The following RASA3 variants were observed in gnomAD, a reference collection of about 807,000 sequenced individuals.
RASA3 encodes ras GTPase-activating protein 3.
In RASA3, 73 loss-of-function variants were observed where a neutral mutation model predicts 110.0. That is an observed-to-expected ratio of 0.66 (90% CI 0.55 to 0.81). RASA3 has a LOEUF of 0.81. RASA3 is among the 30% of genes least tolerant of loss of function. The pLI is 0.00. For missense variants in RASA3, 976 were observed against 1,113.2 expected (o/e 0.88, Z 1.75); for synonymous variants, 500 against 451.4 (o/e 1.11, Z -1.37).
intron 4 of RASA3, among the ~76,000 whole-genome samples, chr13:114,032,603 C>T (rs551452050): frequency 5.9e-4 from 90 of 152,160 alleles, no homozygotes; most frequent in African/African-American, 1.4e-3. Context: ...CACTTGACAC[C>T]GCGTCGGTGC....
Position 114,029,825 on chromosome 13 carries a change from G to C in RASA3, c.435C>G (p.His145Gln), listed in dbSNP as rs979822644. The C allele has an allele frequency of 1.8e-5, 28 of 1,591,486 alleles. No homozygotes were observed. Among genetic ancestry groups the C allele is most frequent in the African/African-American group, 4.0e-5 (3 of 74,340 alleles). ...ACGTGTCTTACCGTGTGGCGAGCTT[G>C]TGGCAGACGACCCCAGTGTCTGTGA... Reference protein sequence around the residue: ...EVITDTGVVCHKLATRIVECQ... With the variant: ...EVITDTGVVCQKLATRIVECQ... The change falls in exon 5 of 24, where the codon CAC becomes CAG. Residue 145 changes from histidine (H) to glutamine (Q), a missense_variant. His to Gln is a conservative substitution (Grantham distance 24, BLOSUM62 0). This residue lies in a region of RASA3 where 732 missense variants were observed against 779.7 expected (regional missense o/e 0.94). Transcript: ENST00000334062.
At chr13:113,997,868 C>A (rs1174037707) in intron 20 of RASA3, among the ~76,000 whole-genome samples, 1 of 152,100 alleles carries the variant, frequency 6.6e-6, no homozygotes, top group Non-Finnish European at 1.5e-5. Flanking sequence ...TTTACAGAGG[C>A]CAGGAGCCTC....
intron 1 of RASA3, among the ~76,000 whole-genome samples, chr13:114,102,607 C>G (rs1256152212): frequency 2.0e-5 from 3 of 152,204 alleles, no homozygotes; most frequent in Non-Finnish European, 4.4e-5. Context: ...GGAGAAGATG[C>G]TGAGGCCCAG....
intron 2 of RASA3, among the ~76,000 whole-genome samples, chr13:114,069,078 G>A (rs911938929): frequency 2.6e-5 from 4 of 152,224 alleles, no homozygotes; most frequent in South Asian, 2.1e-4. Context: ...GGGAGGAGGC[G>A]TGGGGGACAC....
intron 2 of RASA3, among the ~76,000 whole-genome samples, chr13:114,061,055 CAG>C (rs1427839937): frequency 2.0e-5 from 3 of 150,992 alleles, no homozygotes; most frequent in Non-Finnish European, 4.4e-5. Flanking sequence ...GCACTGCACA[CAG>C]AGACATTTCT....
chr13:113,996,604 C>T lies in RASA3; in HGVS notation c.2068G>A (p.Ala690Thr). ...CACAGCCAGTGGCCGCTCAGGTAGG[C>T]GGACGGGTGGTAGACGGTGAGGCGC... Reference protein sequence around the residue: ...QKRLTVYHPSAYLSGHWLCCR... With the variant: ...QKRLTVYHPSTYLSGHWLCCR... The change falls in exon 21 of 24, where the codon GCC (alanine) becomes ACC (threonine). Residue 690 changes from alanine (A) to threonine (T), a missense_variant. Transcript: ENST00000334062. 4 of 1,613,620 alleles carry T rather than the reference C, an allele frequency of 2.5e-6. No individual in the cohort carries two copies. The highest frequency in any genetic ancestry group is 3.4e-6 in the Non-Finnish European group (4 of 1,180,036).
At chr13:114,068,741 A>C (rs2079500660) in intron 2 of RASA3, among the ~76,000 whole-genome samples, 1 of 152,226 alleles carries the variant, frequency 6.6e-6, no homozygotes, top group South Asian at 2.1e-4. Flanking sequence ...ATTAAAAATG[A>C]TTGCTCTAAA....
At chr13:114,117,550 AGCACGTGTGTGAGGGGT>A (rs2080304179) in intron 1 of RASA3, among the ~76,000 whole-genome samples, 1 of 104,416 alleles carries the variant, frequency 9.6e-6, no homozygotes, top group African/African-American at 3.8e-5. Flanking sequence ...GTGTGAGGGG[AGCACGTGTGTGAGGGGT>A]GCATGCAATG....
At position 114,110,524 on chromosome 13, in the gene RASA3, G is replaced by A. The variant is rs528599067; in HGVS notation, c.55+21911C>T. ...TGGCCCTACACAGGACAGGTTCTGC[G>A]CACTCGGCCGCCACCTTCCTTACAC... On this transcript the variant is annotated intron_variant, in intron 1 of 23. Transcript: ENST00000334062. 1.1e-3 allele frequency among the ~76,000 whole-genome samples: 173 copies of A among 152,294 alleles called. 1 individual carries two copies. The highest frequency in any genetic ancestry group is 1.2e-3 in the Non-Finnish European group (82 of 68,018).
chr13:114,013,383 C>CTCTCTCTCTCTG (rs1555328552), intron 14 of RASA3, 135 bp from the exon 15 acceptor site: 2 of 554,090 alleles, frequency 3.6e-6, no homozygotes, highest in East Asian at 3.2e-5. Context: ...GTGTCTGTCT[C>CTCTCTCTCTCTG]TCTCCCTCTC....
chr13:114,018,611 G>A, intron 10 of RASA3, 152 bp downstream of exon 10: 3 of 995,586 alleles, frequency 3.0e-6, no homozygotes, highest in Non-Finnish European at 4.3e-6. Context: ...AAGGGGTCCA[G>A]GCATCTGGAC....
In RASA3 at chr13:114,017,341, T is replaced by C. The variant is rs2053816774; in HGVS notation, c.1102A>G (p.Thr368Ala). 4 of 1,613,586 alleles carry C rather than the reference T, an allele frequency of 2.5e-6. No homozygotes were observed. Among genetic ancestry groups the C allele is most frequent in the Non-Finnish European group, 3.4e-6 (4 of 1,179,882 alleles). Residue 368 changes from threonine (T) to alanine (A), a missense_variant, in exon 12 of 24, where the codon ACC (threonine) becomes GCC (alanine). This residue lies in a region of RASA3 where 732 missense variants were observed against 779.7 expected (regional missense o/e 0.94). Coordinates refer to ENST00000334062, the MANE Select transcript of RASA3 (RefSeq NM_007368.4). ...AEVKRTQDPNTIFRGNSLASK... is the reference protein window; with the variant it reads ...AEVKRTQDPNAIFRGNSLASK... ...GCCAGTGAGTTTCCTCGGAAGATGG[T>C]GTTGGGGTCCCTGGGAAATGGCGAT...
intron 1 of RASA3, among the ~76,000 whole-genome samples, chr13:114,129,697 T>G (rs1185614474): frequency 6.6e-5 from 10 of 152,194 alleles, no homozygotes; most frequent in Admixed American, 3.9e-4. Context: ...GGGTGTTAAC[T>G]TAACCCTGAA....
intron 23 of RASA3, among the ~76,000 whole-genome samples, chr13:113,979,785 A>C (rs189471892): frequency 6.6e-6 from 1 of 152,214 alleles, no homozygotes; most frequent in East Asian, 1.9e-4. Context: ...AGGGACACAG[A>C]TCTGTCCCAG....
rs768816342 is a variant in RASA3 at position 113,995,756 on chromosome 13, C to CG, written c.2141+774dup. On this transcript the variant is annotated intron_variant, in intron 21 of 23. Transcript: ENST00000334062. ...GCCCGGCTGACGGGGGCCCGGCTGA[C>CG]GGGGGCCCGGCTGACGGGGGGCCCG... Among the ~76,000 whole-genome samples, 5 of 14,122 alleles carry CG rather than the reference C, an allele frequency of 3.5e-4. 1 individual carries two copies. Among genetic ancestry groups the CG allele is most frequent in the Non-Finnish European group, 5.6e-4 (5 of 8,962 alleles). 9.3% of individuals were successfully genotyped at this position (14,122 alleles called of 152,430 possible).
rs140875164 is a variant in RASA3 at position 113,979,371 on chromosome 13, G to A, written c.2481C>T (p.Ser827=). The A allele has an allele frequency of 1.1e-5, 18 of 1,606,524 alleles. No individual in the cohort carries two copies. Among genetic ancestry groups the A allele is most frequent in the Admixed American group, 1.7e-5 (1 of 60,006 alleles). ...KSFQNYIRQQ[S]ETSTHSI is the part of the protein sequence containing the mutation. The stretch of plus-strand genomic sequence containing the variant: ...TTTAAATGGAATGAGTGGAGGTCTC[G>A]GACTGCTGCCGGATGTAGTTCTGGA... Residue 827 remains serine (S), a synonymous_variant, in exon 24 of 24, where the codon TCC becomes TCT. Transcript: ENST00000334062.
In RASA3 at chr13:114,094,799, A is replaced by G. The variant is rs547212801; in HGVS notation, c.56-20962T>C. Among the ~76,000 whole-genome samples the G allele has an allele frequency of 3.9e-5, 6 of 152,380 alleles. No individual in the cohort carries two copies. In the South Asian group the frequency reaches 1.2e-3, roughly 32 times the overall value. ...TATGCATTTTGTTGGGCTATAATAT[A>G]CACTCAGTAAATAGAGCTCACACGT... On this transcript the variant is annotated intron_variant, in intron 1 of 23. Transcript: ENST00000334062.
intron 21 of RASA3, among the ~76,000 whole-genome samples, chr13:113,993,508 T>G (rs189571836): frequency 6.6e-6 from 1 of 151,960 alleles, no homozygotes; most frequent in Admixed American, 6.5e-5. Flanking sequence ...CTTTGTGTTA[T>G]TATGAAAAAC....
intron 1 of RASA3, among the ~76,000 whole-genome samples, chr13:114,103,420 C>T (rs1046380087): frequency 1.3e-4 from 20 of 152,144 alleles, no homozygotes; most frequent in East Asian, 1.2e-3. Context: ...AAGGGAAGGT[C>T]GGGCGGCTCC....
Sources: gnomAD v4.1 joint callset for allele counts (sites outside exome capture counted in the v4.1 genomes callset) on GRCh38, gnomAD v4.1.1 for gene constraint, gnomAD v4.1.1 regional missense constraint, MANE v1.5 for transcripts, NCBI Gene and HGNC (gene_info 2026-07-23, HGNC 2026-07-21) for gene names.